Variants in LURAP1L observed in about 807,000 individuals in gnomAD.
LURAP1L encodes the protein leucine rich adaptor protein 1 like.
In LURAP1L, 12 loss-of-function variants were observed where a neutral mutation model predicts 13.8. The ratio of observed to expected loss-of-function variants is 0.87; its 90% CI spans 0.56 to 1.41. The LOEUF (loss-of-function observed/expected upper bound fraction) is 1.41. Ranked by LOEUF, LURAP1L falls within the 40% of genes most tolerant of loss-of-function variation. The pLI is 0.00. For missense variants in LURAP1L, 375 were observed against 292.9 expected, an observed-to-expected ratio of 1.28 and a Z score of -2.04; for synonymous variants, 139 against 119.2, an observed-to-expected ratio of 1.17 and a Z score of -1.08.
At chr9:12,811,431 T>G (rs1030340420) in intron 1 of LURAP1L, among the ~76,000 whole-genome samples, 2 of 152,196 alleles carry the variant, frequency 1.3e-5, no homozygotes, top group African/African-American at 4.8e-5. Flanking sequence ...CATCTGTCAT[T>G]TCTCCTTCAG....
intron 1 of LURAP1L, among the ~76,000 whole-genome samples, chr9:12,809,848 A>G (rs906902508): frequency 3.9e-5 from 6 of 152,048 alleles, no homozygotes; most frequent in South Asian, 2.1e-4. Flanking sequence ...TGTCTACTCT[A>G]TTGTCTTTGG....
chr9:12,816,855 A>T (rs1235255416), intron 1 of LURAP1L, among the ~76,000 whole-genome samples: 1 of 152,208 alleles, frequency 6.6e-6, no homozygotes, highest in Non-Finnish European at 1.5e-5. Context: ...GGAAAAGAGG[A>T]AAGGACATCC....
chr9:12,817,635 G>T (rs1819821587), intron 1 of LURAP1L, among the ~76,000 whole-genome samples: 1 of 152,140 alleles, frequency 6.6e-6, no homozygotes, highest in Non-Finnish European at 1.5e-5. Context: ...TATCCTCAGA[G>T]TCAAGTTGAG....
intron 1 of LURAP1L, among the ~76,000 whole-genome samples, chr9:12,783,241 T>A (rs1819299789): frequency 2.0e-5 from 3 of 152,202 alleles, no homozygotes; most frequent in African/African-American, 7.2e-5. Flanking sequence ...CTTCCAGTAC[T>A]ATGCTGATAA....
chr9:12,822,088 A>T lies in LURAP1L; in HGVS notation c.*328A>T, dbSNP rs1226032085. The T allele has an allele frequency of 1.4e-5, 3 of 207,438 alleles. No individual in the cohort carries two copies. Among genetic ancestry groups the T allele is most frequent in the African/African-American group, 6.9e-5 (3 of 43,198 alleles). 12.8% of individuals were successfully genotyped at this position (207,438 alleles called of 1,614,324 possible). ...CAATGGGTCAGGGATTACAAGAAAA[A>T]CTTTGCTAAATTTTACAATAAACCA... On this transcript the variant is annotated 3_prime_UTR_variant, in exon 2 of 2. Coordinates refer to ENST00000319264, the MANE Select transcript of LURAP1L (RefSeq NM_203403.2).
chr9:12,784,974 G>A (rs1046136471), intron 1 of LURAP1L, among the ~76,000 whole-genome samples: 4 of 151,568 alleles, frequency 2.6e-5, no homozygotes, highest in South Asian at 4.2e-4. Flanking sequence ...TCAAGCAGAA[G>A]GAGTTTCTCC....
At position 12,821,947 on chromosome 9, in the gene LURAP1L, G is replaced by T; in HGVS notation, c.*187G>T. ...CATCTGAGCTGATTTATTTTTCTCT[G>T]TTACATCTCTATTTTTTATTTATTA... On this transcript the variant is annotated 3_prime_UTR_variant, in exon 2 of 2. Transcript: ENST00000319264. 1 of 550,190 alleles carries T rather than the reference G, an allele frequency of 1.8e-6. No homozygotes were observed. The highest frequency in any genetic ancestry group is 3.0e-6 in the Non-Finnish European group (1 of 330,888). 34.1% of individuals were successfully genotyped at this position (550,190 alleles called of 1,614,324 possible).
In LURAP1L at chr9:12,821,943, C is replaced by T. The variant is rs1179132202; in HGVS notation, c.*183C>T. ...TTCTCATCTGAGCTGATTTATTTTT[C>T]TCTGTTACATCTCTATTTTTTATTT... On this transcript the variant is annotated 3_prime_UTR_variant, in exon 2 of 2. Coordinates refer to ENST00000319264, the MANE Select transcript of LURAP1L (RefSeq NM_203403.2). 2 of 592,556 alleles carry T rather than the reference C, an allele frequency of 3.4e-6. No individual in the cohort carries two copies. The highest frequency in any genetic ancestry group is 2.8e-6 in the Non-Finnish European group (1 of 359,612). The allele number at this position is 592,556 out of a possible 1,614,324, so 36.7% of individuals were successfully genotyped here. A position where few individuals can be genotyped will look rare whatever the true frequency, so the allele number is the denominator to read the frequency against.
intron 1 of LURAP1L, among the ~76,000 whole-genome samples, chr9:12,784,748 T>A (rs906176185): frequency 2.6e-5 from 4 of 151,308 alleles, no homozygotes; most frequent in African/African-American, 9.7e-5. Context: ...AGGTGGTGAA[T>A]CATTCTAAAC....
At chr9:12,814,625 C>G (rs1031852541) in intron 1 of LURAP1L, among the ~76,000 whole-genome samples, 5 of 152,162 alleles carry the variant, frequency 3.3e-5, no homozygotes, top group African/African-American at 1.2e-4. Flanking sequence ...GTACAGATCT[C>G]ACGAGCAGGC....
intron 1 of LURAP1L, among the ~76,000 whole-genome samples, chr9:12,807,887 A>C (rs962420017): frequency 6.6e-6 from 1 of 151,918 alleles, no homozygotes; most frequent in African/African-American, 2.4e-5. Flanking sequence ...TACGATTTTT[A>C]GTGGTTGCCC....
intron 1 of LURAP1L, among the ~76,000 whole-genome samples, chr9:12,776,934 A>G (rs1195473082): frequency 6.6e-6 from 1 of 152,188 alleles, no homozygotes; most frequent in African/African-American, 2.4e-5. Flanking sequence ...AGCTGGTTAG[A>G]GAAAATGATC....
chr9:12,811,598 A>C (rs1313842288), intron 1 of LURAP1L, among the ~76,000 whole-genome samples: 2 of 152,196 alleles, frequency 1.3e-5, no homozygotes, highest in African/African-American at 4.8e-5. Flanking sequence ...TTCAAACTAC[A>C]AAGCAATGTA....
chr9:12,804,414 G>A (rs1819628115), intron 1 of LURAP1L, among the ~76,000 whole-genome samples: 1 of 148,354 alleles, frequency 6.7e-6, no homozygotes, highest in African/African-American at 2.5e-5. Flanking sequence ...GCATGGTCTC[G>A]GCTCACTGCA....
intron 1 of LURAP1L, among the ~76,000 whole-genome samples, chr9:12,807,972 A>C (rs1281750717): frequency 6.6e-6 from 1 of 152,136 alleles, no homozygotes; most frequent in Non-Finnish European, 1.5e-5. Flanking sequence ...ATGGTAGTAC[A>C]AGTACTATAT....
intron 1 of LURAP1L, among the ~76,000 whole-genome samples, chr9:12,781,912 C>T (rs569098434): frequency 9.9e-5 from 15 of 152,196 alleles, no homozygotes; most frequent in Admixed American, 3.9e-4. Context: ...ATATCCTCAC[C>T]GGCATTAATT....
At position 12,821,383 on chromosome 9, in the gene LURAP1L, T is replaced by C. The variant is rs541137773; in HGVS notation, c.313-3T>C. 12 of 1,610,130 alleles carry C rather than the reference T, an allele frequency of 7.5e-6. No homozygotes were observed. The South Asian group carries it at 8.8e-5, about 12-fold the overall frequency. On this transcript the variant is annotated splice_polypyrimidine_tract_variant and splice_region_variant and intron_variant, in intron 1 of 1. Transcript: ENST00000319264. ...AATATCTTTCTTCTCTCTTTGTCCA[T>C]AGGTTAACCTCAGAGCCACAGACGT...
intron 1 of LURAP1L, among the ~76,000 whole-genome samples, chr9:12,796,676 C>T (rs1182089646): frequency 6.6e-6 from 1 of 151,950 alleles, no homozygotes; most frequent in Non-Finnish European, 1.5e-5. Context: ...CTTTTGCCAA[C>T]TGAATATTCT....
At chr9:12,812,488 T>C (rs1049895530) in intron 1 of LURAP1L, among the ~76,000 whole-genome samples, 1 of 152,210 alleles carries the variant, frequency 6.6e-6, no homozygotes, top group Non-Finnish European at 1.5e-5. Flanking sequence ...ATCACTTTTC[T>C]TTTCAAGTCA....
Sources: gnomAD v4.1 joint callset for allele counts (sites outside exome capture counted in the v4.1 genomes callset) on GRCh38, gnomAD v4.1.1 for gene constraint, MANE v1.5 for transcripts, NCBI Gene and HGNC (gene_info 2026-07-23, HGNC 2026-07-21) for gene names.